Variants in PDE1C observed in about 807,000 individuals in gnomAD.
The protein encoded by PDE1C is dual specificity calcium/calmodulin-dependent 3',5'-cyclic nucleotide phosphodiesterase 1C.
A neutral mutation model predicts 93.1 loss-of-function variants in PDE1C; 62 were observed. The ratio of observed to expected loss-of-function variants is 0.67; its 90% confidence interval spans 0.54 to 0.82. PDE1C has a LOEUF of 0.82. Ranked by LOEUF, PDE1C falls within the 40% of genes least tolerant of loss-of-function variation. PDE1C has a pLI of 0.00. For synonymous variants in PDE1C, 325 were observed against 310.1 expected (o/e 1.05, Z -0.50); for missense variants, 742 against 884.6 (o/e 0.84, Z 2.04).
chr7:31,621,496 C>G, the PDE1C span, among the ~76,000 whole-genome samples: 3 of 141,116 alleles, frequency 2.1e-5, no homozygotes, highest in Admixed American at 2.2e-4. Flanking sequence ...ATTTCATATC[C>G]AGCCAAACTA....
chr7:32,304,629 C>A (rs1812952804), intron 1 of PDE1C, among the ~76,000 whole-genome samples: 1 of 152,036 alleles, frequency 6.6e-6, no homozygotes. Context: ...AGGTTAATAA[C>A]TTTTAAAATT....
intron 1 of PDE1C, among the ~76,000 whole-genome samples, chr7:32,381,662 C>A (rs993513255): frequency 6.6e-6 from 1 of 152,206 alleles, no homozygotes; most frequent in African/African-American, 2.4e-5. Flanking sequence ...TATCCACATC[C>A]CTTTTCAAGT....
chr7:31,673,692 C>T, the PDE1C span, among the ~76,000 whole-genome samples: 1 of 142,226 alleles, frequency 7.0e-6, no homozygotes, highest in East Asian at 2.1e-4. Context: ...GGAATTTATG[C>T]TGGTATAAGG....
At chr7:32,225,423 C>G (rs1329691467) in intron 1 of PDE1C, among the ~76,000 whole-genome samples, 1 of 152,090 alleles carries the variant, frequency 6.6e-6, no homozygotes, top group African/African-American at 2.4e-5. Flanking sequence ...AGAACCATAG[C>G]AGTTTTCATT....
At chr7:31,668,599 C>T in the PDE1C span, among the ~76,000 whole-genome samples, 1 of 151,962 alleles carries the variant, frequency 6.6e-6, no homozygotes, top group African/African-American at 2.4e-5. Flanking sequence ...TCTTATGATC[C>T]CATTTATGTA....
At chr7:32,159,900 G>T (rs530905050) in intron 3 of PDE1C, among the ~76,000 whole-genome samples, 1 of 152,192 alleles carries the variant, frequency 6.6e-6, no homozygotes, top group African/African-American at 2.4e-5. Context: ...ACAGGCCCCA[G>T]AGGCTCCCAC....
the PDE1C span, among the ~76,000 whole-genome samples, chr7:31,735,938 T>C: frequency 3.9e-5 from 6 of 152,312 alleles, no homozygotes; most frequent in African/African-American, 7.2e-5. Context: ...CCTATGCACA[T>C]CCTCCCATAT....
chr7:32,189,926 T>A (rs1804123837), intron 2 of PDE1C, among the ~76,000 whole-genome samples: 1 of 152,218 alleles, frequency 6.6e-6, no homozygotes, highest in Non-Finnish European at 1.5e-5. Context: ...GGTTAACTTT[T>A]GTATCTACTT....
intron 1 of PDE1C, among the ~76,000 whole-genome samples, chr7:32,220,937 G>A (rs1806810671): frequency 6.6e-6 from 1 of 152,188 alleles, no homozygotes; most frequent in South Asian, 2.1e-4. Flanking sequence ...CTAGGGATGG[G>A]AGCACCTTCC....
intron 1 of PDE1C, among the ~76,000 whole-genome samples, chr7:32,316,441 A>G (rs1324558186): frequency 6.6e-6 from 1 of 152,198 alleles, no homozygotes; most frequent in East Asian, 1.9e-4. Flanking sequence ...AACTCCTGCT[A>G]CCATACCACC....
chr7:31,865,264 TC>T (rs1438782572), intron 6 of PDE1C, among the ~76,000 whole-genome samples, 182 bp from the exon 7 acceptor site: 5 of 152,178 alleles, frequency 3.3e-5, no homozygotes, highest in African/African-American at 1.2e-4. Flanking sequence ...TAACAGGAAG[TC>T]CTTGGTTGAG....
intron 1 of PDE1C, among the ~76,000 whole-genome samples, chr7:32,341,553 C>A (rs1783757877): frequency 6.6e-6 from 1 of 152,118 alleles, no homozygotes; most frequent in Non-Finnish European, 1.5e-5. Flanking sequence ...AGAGCCCAAA[C>A]AACAGGCTAT....
intron 11 of PDE1C, among the ~76,000 whole-genome samples, chr7:31,835,523 G>A (rs1311624630): frequency 3.1e-5 from 2 of 63,758 alleles, no homozygotes; most frequent in African/African-American, 4.7e-5. Context: ...GGGGGGTGCT[G>A]CGGTGTGTGT....
At chr7:31,692,978 T>A in the PDE1C span, among the ~76,000 whole-genome samples, 2 of 152,212 alleles carry the variant, frequency 1.3e-5, no homozygotes, top group Non-Finnish European at 2.9e-5. Context: ...TCAATCTGTT[T>A]CCTTTCCAGA....
At chr7:31,672,381 A>G in the PDE1C span, among the ~76,000 whole-genome samples, 1 of 152,186 alleles carries the variant, frequency 6.6e-6, no homozygotes, top group African/African-American at 2.4e-5. Context: ...TGTTACTAAA[A>G]TATCACCTCT....
At chr7:32,334,378 C>T (rs969164806) in intron 1 of PDE1C, among the ~76,000 whole-genome samples, 2 of 151,952 alleles carry the variant, frequency 1.3e-5, no homozygotes, top group Non-Finnish European at 2.9e-5. Flanking sequence ...ACTTCTTTTG[C>T]CTCAATATTA....
rs187886916 is a variant in PDE1C, at chr7:32,391,873, T to C, written c.310+35949A>G. ...AGGAAAATGTATAGCTTTAAATGCA[T>C]ATATTAGAAAAAAGGAAAGGTCTCA... On this transcript the variant is annotated intron_variant, in intron 1 of 1. Transcript: ENST00000672256. Among the ~76,000 whole-genome samples, 839 of 151,948 alleles carry C rather than the reference T, an allele frequency of 5.5e-3. 9 individuals are homozygous for C. Among genetic ancestry groups the C allele is most frequent in the Non-Finnish European group, 8.1e-3 (551 of 67,984 alleles).
At chr7:31,634,717 G>A in the PDE1C span, among the ~76,000 whole-genome samples, 2 of 152,192 alleles carry the variant, frequency 1.3e-5, no homozygotes, top group Non-Finnish European at 2.9e-5. Flanking sequence ...GGGCTTGGTG[G>A]TGGTGAAGGA....
At chr7:31,998,255 G>A (rs567925293) in intron 2 of PDE1C, among the ~76,000 whole-genome samples, 38 of 152,160 alleles carry the variant, frequency 2.5e-4, no homozygotes, top group East Asian at 5.8e-4. Flanking sequence ...TCCTGACCTC[G>A]TGATTCTCCC....
Sources: gnomAD v4.1 joint callset for allele counts (sites outside exome capture counted in the v4.1 genomes callset) on GRCh38, gnomAD v4.1.1 for gene constraint, MANE v1.5 for transcripts, NCBI Gene and HGNC (gene_info 2026-07-23, HGNC 2026-07-21) for gene names.